DOCK10: variants seen among roughly 807,000 people sequenced by gnomAD.
DOCK10 encodes dedicator of cytokinesis 10, also known as dedicator of cytokinesis protein 10.
DOCK10 carries 145 observed loss-of-function variants against 280.1 expected under a neutral mutation model. The ratio of observed to expected loss-of-function variants is 0.52; its 90% CI spans 0.45 to 0.59. The LOEUF (loss-of-function observed/expected upper bound fraction) is 0.59. Ranked by LOEUF, DOCK10 falls within the 20% of genes least tolerant of loss-of-function variation. The pLI is 0.00. For synonymous variants in DOCK10, 915 were observed against 942.2 expected (o/e 0.97, Z 0.53); for missense variants, 2,368 against 2,651.7 (o/e 0.89, Z 2.35).
intron 19 of DOCK10, among the ~76,000 whole-genome samples, chr2:224,848,851 T>C (rs1366753997): frequency 6.6e-6 from 1 of 152,180 alleles, no homozygotes; most frequent in Non-Finnish European, 1.5e-5. Flanking sequence ...CATTCATTGG[T>C]AAAGCTATTT....
In DOCK10 at chr2:224,961,406, TTCTTTC is replaced by T. The variant is rs1361773026; in HGVS notation, c.124-29744_124-29739del. 5.9e-3 allele frequency among the ~76,000 whole-genome samples: 684 copies of T among 115,594 alleles called. 8 individuals carry two copies. Among genetic ancestry groups the T allele is most frequent in the Middle Eastern group, 0.017 (4 of 236 alleles). The allele number at this position is 115,594 out of a possible 152,430, so 75.8% of individuals were successfully genotyped here. A position where few individuals can be genotyped will look rare whatever the true frequency, so the allele number is the denominator to read the frequency against. The stretch of plus-strand genomic sequence containing the variant: ...TTTTGCATAGCAGCATTTTCTTTCT[TTCTTTC>T]TCTTTCTTTCTTTCTTTCTTTCTTT... On this transcript the variant is annotated intron_variant, in intron 1 of 55. Transcript: ENST00000258390.
intron 55 of DOCK10, among the ~76,000 whole-genome samples, chr2:224,767,314 C>T (rs965247356): frequency 6.6e-6 from 1 of 152,128 alleles, no homozygotes; most frequent in Non-Finnish European, 1.5e-5. Context: ...CAGGCACCTG[C>T]CATTACAGCC....
chr2:224,879,511 G>A (rs1232077715), intron 7 of DOCK10, among the ~76,000 whole-genome samples: 4 of 152,076 alleles, frequency 2.6e-5, no homozygotes, highest in South Asian at 2.1e-4. Context: ...TAATCCCAGC[G>A]CTTTAGGAGG....
chr2:224,870,068 C>T (rs1698171371), intron 11 of DOCK10, among the ~76,000 whole-genome samples: 1 of 152,122 alleles, frequency 6.6e-6, no homozygotes, highest in Non-Finnish European at 1.5e-5. Context: ...ATAGGAGGGA[C>T]CCAGTGGGAA....
intron 1 of DOCK10, among the ~76,000 whole-genome samples, chr2:224,960,717 G>T (rs538267268): frequency 1.4e-5 from 2 of 139,656 alleles, no homozygotes; most frequent in Non-Finnish European, 1.5e-5. Context: ...CACAATGAAC[G>T]CATCACCAAA....
Position 224,934,727 on chromosome 2 carries a change from C to T in DOCK10, c.124-3059G>A, listed in dbSNP as rs1325696796. Among the ~76,000 whole-genome samples the T allele has an allele frequency of 2.0e-5, 3 of 152,228 alleles. No homozygotes were observed. In the East Asian group the frequency reaches 5.8e-4, roughly 29 times the overall value. On this transcript the variant is annotated intron_variant, in intron 1 of 55. Transcript: ENST00000258390. ...GAGCAGCATTGATTTACAGCTTTAACAAGGGTTGGGTTGTCCCTCTTGAAT... is the reference window on the plus strand; with the variant it reads ...GAGCAGCATTGATTTACAGCTTTAATAAGGGTTGGGTTGTCCCTCTTGAAT...
At chr2:224,802,764 T>C (rs1693103989) in intron 39 of DOCK10, among the ~76,000 whole-genome samples, 1 of 152,192 alleles carries the variant, frequency 6.6e-6, no homozygotes, top group African/African-American at 2.4e-5. Context: ...TGTGCTGTCA[T>C]AAAAACTATT....
intron 38 of DOCK10, 68 bp from the exon 39 acceptor site, chr2:224,804,281 A>G (rs745922371): frequency 3.5e-6 from 3 of 846,584 alleles, no homozygotes; most frequent in Non-Finnish European, 5.8e-6. Context: ...ATGAATGGCA[A>G]CTGACAAAAC....
chr2:224,822,052 A>C (rs1694542448), intron 28 of DOCK10, among the ~76,000 whole-genome samples: 1 of 152,108 alleles, frequency 6.6e-6, no homozygotes, highest in Non-Finnish European at 1.5e-5. Flanking sequence ...AGTTGGGCCC[A>C]TTTTCCACTT....
At chr2:224,851,538 T>C (rs1369494878) in intron 18 of DOCK10, among the ~76,000 whole-genome samples, 1 of 151,894 alleles carries the variant, frequency 6.6e-6, no homozygotes, top group African/African-American at 2.4e-5. Context: ...TTGATTATTG[T>C]TCTTCTGAAT....
intron 26 of DOCK10, among the ~76,000 whole-genome samples, chr2:224,831,591 T>C (rs955572031): frequency 2.6e-5 from 4 of 152,250 alleles, no homozygotes; most frequent in African/African-American, 4.8e-5. Context: ...TATCTGCTCA[T>C]GCCAGATTTT....
At chr2:224,841,115 T>C (rs924121614) in intron 23 of DOCK10, among the ~76,000 whole-genome samples, 1 of 151,922 alleles carries the variant, frequency 6.6e-6, no homozygotes, top group African/African-American at 2.4e-5. Context: ...GGGAGGGGAG[T>C]GCTGGGAGAT....
chr2:224,916,730 C>T lies in DOCK10; in HGVS notation c.298G>A (p.Ala100Thr), dbSNP rs1701349097. The stretch of plus-strand genomic sequence containing the variant: ...AGTAAATTTTCTGCCTTGTGCTCTG[C>T]ATCTTCAGGTACTGTTGAGTACAAC... ...RTLYSTVPED[A>T]EHKAENLLVK... The change falls in exon 3 of 56, where the codon GCA becomes ACA. Residue 100 changes from alanine (A) to threonine (T), a missense_variant. Ala to Thr is a moderately conservative substitution (Grantham distance 58, BLOSUM62 0). Transcript: ENST00000258390. 1 of 1,611,250 alleles carries T rather than the reference C, an allele frequency of 6.2e-7. No individual in the cohort carries two copies. Among genetic ancestry groups the T allele is most frequent in the African/African-American group, 1.3e-5 (1 of 74,878 alleles).
intron 16 of DOCK10, among the ~76,000 whole-genome samples, chr2:224,854,599 C>T (rs1036995625): frequency 2.6e-5 from 4 of 152,098 alleles, no homozygotes; most frequent in African/African-American, 9.7e-5. Flanking sequence ...GTTAATCTAT[C>T]CAAATCTGAC....
chr2:225,025,547 A>G (rs1314368391), intron 1 of DOCK10, among the ~76,000 whole-genome samples: 4 of 152,226 alleles, frequency 2.6e-5, no homozygotes, highest in Non-Finnish European at 5.9e-5. Context: ...GTGCATTTTA[A>G]AAAATAAAGA....
chr2:224,921,231 G>A (rs75363166), intron 2 of DOCK10, among the ~76,000 whole-genome samples: 6 of 147,450 alleles, frequency 4.1e-5, no homozygotes, highest in Admixed American at 1.4e-4. Context: ...GAACCTGGGA[G>A]GGGGAGGTTG....
intron 1 of DOCK10, among the ~76,000 whole-genome samples, chr2:224,953,272 G>A (rs56886619): frequency 0.017 from 2,554 of 152,048 alleles, 69 homozygotes; most frequent in African/African-American, 0.059. Flanking sequence ...CTTCATTATC[G>A]CAGAATGCTT....
chr2:224,807,260 T>C (rs749847404), intron 33 of DOCK10: 9 of 162,722 alleles, frequency 5.5e-5, no homozygotes, highest in Non-Finnish European at 8.1e-5. Flanking sequence ...GGTGCCTCAG[T>C]GGAGGAAGGA....
Position 224,823,518 on chromosome 2 carries a change from C to T in DOCK10, c.3166G>A (p.Val1056Ile), listed in dbSNP as rs371861682. 64 of 1,600,500 alleles carry T rather than the reference C, an allele frequency of 4.0e-5. 1 individual carries two copies. Among genetic ancestry groups the T allele is most frequent in the Non-Finnish European group, 5.0e-5 (59 of 1,175,820 alleles). ...AACTGTACCTTGAGAAATCTGGCAA[C>T]GCTGTGGTTTGCCCTTCTTGTTTCT... ...LEETRRANHS[V>I]ARFLKRCFTF... The change falls in exon 28 of 56, where the codon GTT (valine) becomes ATT (isoleucine). Residue 1056 changes from valine (V) to isoleucine (I), a missense_variant. Coordinates refer to ENST00000258390, the MANE Select transcript of DOCK10 (RefSeq NM_014689.3).
Sources: allele counts gnomAD v4.1 joint callset (sites outside exome capture counted in the v4.1 genomes callset), GRCh38; gene constraint gnomAD v4.1.1; transcripts MANE v1.5; gene names NCBI Gene and HGNC (gene_info 2026-07-23, HGNC 2026-07-21).